The following HMBOX1 variants were observed in gnomAD, a reference collection of about 807,000 sequenced individuals.
The protein encoded by HMBOX1 is homeobox-containing protein 1.
HMBOX1 carries 14 observed loss-of-function variants against 54.5 expected under a neutral mutation model. That is an observed-to-expected ratio of 0.26 (90% confidence interval 0.17 to 0.40). The LOEUF is 0.40. Ranked by LOEUF, HMBOX1 falls within the 10% of genes least tolerant of loss-of-function variation. The pLI, the probability that HMBOX1 is intolerant of heterozygous loss-of-function variation, is 1.00. For synonymous variants in HMBOX1, 160 were observed against 181.0 expected, an observed-to-expected ratio of 0.88 and a Z score of 0.93; for missense variants, 332 against 514.4, an observed-to-expected ratio of 0.65 and a Z score of 3.43.
At chr8:29,007,976 C>T (rs1158860226) in intron 4 of HMBOX1, among the ~76,000 whole-genome samples, 2 of 152,126 alleles carry the variant, frequency 1.3e-5, no homozygotes, top group Admixed American at 6.5e-5. Flanking sequence ...CCAGGACCTC[C>T]TGCTTTTTCT....
Position 29,052,620 on chromosome 8 carries a change from C to T in HMBOX1, c.*1465C>T, listed in dbSNP as rs1038737736. ...CTGTGATCACCTTGTCATCTAGTAG[C>T]AAAATGATGAACTATTCATGCATCA... On this transcript the variant is annotated 3_prime_UTR_variant, in exon 10 of 10. Coordinates refer to ENST00000287701, the MANE Select transcript of HMBOX1 (RefSeq NM_001135726.3). 1.3e-5 allele frequency: 2 copies of T among 151,982 alleles called. No individual in the cohort carries two copies. The highest frequency in any genetic ancestry group is 4.8e-5 in the African/African-American group (2 of 41,342). 9.4% of individuals were successfully genotyped at this position (151,982 alleles called of 1,614,324 possible). A position where few individuals can be genotyped will look rare whatever the true frequency, so the allele number is the denominator to read the frequency against.
intron 1 of HMBOX1, among the ~76,000 whole-genome samples, chr8:28,951,842 G>T (rs1014689856): frequency 1.3e-5 from 2 of 152,186 alleles, no homozygotes; most frequent in Non-Finnish European, 2.9e-5. Context: ...GAGAAACTCT[G>T]ACATGCACAT....
At position 28,923,861 on chromosome 8, in the gene HMBOX1, T is replaced by C. The variant is rs148842467; in HGVS notation, c.-58+33183T>C. On this transcript the variant is annotated intron_variant, in intron 1 of 9. Coordinates refer to ENST00000287701, the MANE Select transcript of HMBOX1 (RefSeq NM_001135726.3). Reference sequence around the variant, plus strand: ...TTTTGATTTGTATTTCTCTAATGACTAATGTCCTTGGGTATCTTTTCATGT... The same window carrying C: ...TTTTGATTTGTATTTCTCTAATGACCAATGTCCTTGGGTATCTTTTCATGT... Among the ~76,000 whole-genome samples, 603 of 152,310 alleles carry C rather than the reference T, an allele frequency of 4.0e-3. 3 individuals carry two copies. Among genetic ancestry groups the C allele is most frequent in the African/African-American group, 0.013 (552 of 41,570 alleles).
chr8:29,012,609 A>G (rs568627915), intron 5 of HMBOX1, among the ~76,000 whole-genome samples: 1 of 152,334 alleles, frequency 6.6e-6, no homozygotes, highest in African/African-American at 2.4e-5. Context: ...AGGAACTGGG[A>G]AGAATAGCTC....
At chr8:28,955,842 A>G (rs1391544338) in intron 1 of HMBOX1, 1 of 151,910 alleles carries the variant, frequency 6.6e-6, no homozygotes, top group Non-Finnish European at 1.5e-5. Flanking sequence ...AGTTCCAGCT[A>G]CTAGGGAGGC....
Position 28,935,206 on chromosome 8 carries a change from T to G in HMBOX1, c.-57-28605T>G, listed in dbSNP as rs536557887. Reference sequence around the variant, plus strand: ...TAATTTTCAGTTCTTTCCAAATTGTTGATAGGTTGAACCCGATCTCAATCA... The same window carrying G: ...TAATTTTCAGTTCTTTCCAAATTGTGGATAGGTTGAACCCGATCTCAATCA... On this transcript the variant is annotated intron_variant, in intron 1 of 9. Transcript: ENST00000287701. Among the ~76,000 whole-genome samples the G allele has an allele frequency of 1.4e-4, 22 of 152,346 alleles. 1 individual carries two copies. The South Asian group carries it at 4.6e-3, about 32-fold the overall frequency.
intron 1 of HMBOX1, among the ~76,000 whole-genome samples, chr8:28,904,474 G>A (rs1179764537): frequency 2.0e-5 from 3 of 151,960 alleles, no homozygotes; most frequent in Non-Finnish European, 4.4e-5. Flanking sequence ...CTTGTGATCC[G>A]CCCGCCTAGG....
intron 3 of HMBOX1, among the ~76,000 whole-genome samples, chr8:28,971,029 CATT>C (rs1040782387): frequency 2.2e-5 from 3 of 134,670 alleles, no homozygotes; most frequent in African/African-American, 8.3e-5. Flanking sequence ...CACACACACA[CATT>C]GTCTTTTATA....
intron 1 of HMBOX1, among the ~76,000 whole-genome samples, chr8:28,940,436 A>T (rs1415314741): frequency 1.3e-5 from 2 of 152,204 alleles, no homozygotes; most frequent in Admixed American, 6.5e-5. Context: ...TCAATACCCC[A>T]TTAGAATGTT....
chr8:28,974,246 C>T (rs1396704535), intron 3 of HMBOX1, among the ~76,000 whole-genome samples: 2 of 151,872 alleles, frequency 1.3e-5, no homozygotes, highest in African/African-American at 4.8e-5. Context: ...AGGTAAATTA[C>T]GATATGAATT....
At chr8:29,027,303 A>G (rs1246713241) in intron 6 of HMBOX1, among the ~76,000 whole-genome samples, 1 of 152,176 alleles carries the variant, frequency 6.6e-6, no homozygotes, top group Non-Finnish European at 1.5e-5. Context: ...CTGTGAGGCA[A>G]AGTGCTAGGG....
At chr8:28,942,225 T>A (rs1363357995) in intron 1 of HMBOX1, among the ~76,000 whole-genome samples, 1 of 152,198 alleles carries the variant, frequency 6.6e-6, no homozygotes, top group African/African-American at 2.4e-5. Context: ...CAGCGCAGTC[T>A]CCTTCTGCTC....
chr8:28,964,822 T>G (rs1436186379), intron 2 of HMBOX1, among the ~76,000 whole-genome samples: 1 of 148,830 alleles, frequency 6.7e-6, no homozygotes, highest in Non-Finnish European at 1.5e-5. Context: ...AGTAGCTATA[T>G]CCTTGGGAAG....
intron 1 of HMBOX1, among the ~76,000 whole-genome samples, chr8:28,933,933 T>C (rs1819938338): frequency 6.6e-6 from 1 of 152,130 alleles, no homozygotes; most frequent in African/African-American, 2.4e-5. Flanking sequence ...ATAAACTCTT[T>C]CAGAAAACAG....
In HMBOX1 at chr8:28,910,347, G is replaced by A. The variant is rs77833098; in HGVS notation, c.-58+19669G>A. Among the ~76,000 whole-genome samples the A allele has an allele frequency of 5.7e-3, 870 of 152,252 alleles. 4 individuals are homozygous for A. Among genetic ancestry groups the A allele is most frequent in the African/African-American group, 0.02 (845 of 41,520 alleles). ...TTGTTTGGGATGTTTCCAGATTGGA[G>A]GATATTTTTAAAAATGCTTTTATGA... is the stretch of plus-strand genomic sequence containing the variant. On this transcript the variant is annotated intron_variant, in intron 1 of 9. Coordinates refer to ENST00000287701, the MANE Select transcript of HMBOX1 (RefSeq NM_001135726.3).
rs938060933 is a variant in HMBOX1 at position 28,970,077 on chromosome 8, C to A, written c.58C>A (p.Pro20Thr). 1 of 1,613,106 alleles carries A rather than the reference C, an allele frequency of 6.2e-7. No homozygotes were observed. ...AACCATGTCTCATTATACAGATGAA[C>A]CCAGATTTACCATAGAGCAGATAGA... is the stretch of plus-strand genomic sequence containing the variant. ...LETMSHYTDEPRFTIEQIDLL... is the reference protein window; with the variant it reads ...LETMSHYTDETRFTIEQIDLL... Residue 20 changes from proline (P) to threonine (T), a missense_variant, in exon 3 of 10, where the codon CCC (proline) becomes ACC (threonine). Around this residue, in one of 4 missense-constraint regions of HMBOX1, gnomAD observed 146 missense variants for 173.3 expected, o/e 0.84. Coordinates refer to ENST00000287701, the MANE Select transcript of HMBOX1 (RefSeq NM_001135726.3). This position sits in a 1 kb window ranked among gnomAD's most constrained non-coding sequence, Gnocchi z 4.3.
At chr8:28,996,880 C>T (rs979037728) in intron 4 of HMBOX1, among the ~76,000 whole-genome samples, 8 of 151,950 alleles carry the variant, frequency 5.3e-5, no homozygotes, top group Non-Finnish European at 8.8e-5. Flanking sequence ...GAATTGTTTT[C>T]TGAATTTTAT....
rs140227199 is a variant in HMBOX1 at position 28,946,592 on chromosome 8, T to C, written c.-57-17219T>C. On this transcript the variant is annotated intron_variant, in intron 1 of 9. Coordinates refer to ENST00000287701, the MANE Select transcript of HMBOX1 (RefSeq NM_001135726.3). Reference sequence around the variant, plus strand: ...CTCAAAAAAAAAAAAATATATACAATTGTGTTTGATATGTATTTTCAAATC... The same window carrying C: ...CTCAAAAAAAAAAAAATATATACAACTGTGTTTGATATGTATTTTCAAATC... 5.2e-4 allele frequency among the ~76,000 whole-genome samples: 79 copies of C among 152,112 alleles called. 1 individual carries two copies. In the East Asian group the frequency reaches 0.012, roughly 23 times the overall value.
At chr8:28,903,854 G>A (rs1191099087) in intron 1 of HMBOX1, among the ~76,000 whole-genome samples, 3 of 151,832 alleles carry the variant, frequency 2.0e-5, no homozygotes, top group Non-Finnish European at 4.4e-5. Context: ...TTTTCAACTG[G>A]TGATTTTACC....
Sources: allele counts gnomAD v4.1 joint callset (sites outside exome capture counted in the v4.1 genomes callset), GRCh38; gene constraint gnomAD v4.1.1; regional missense constraint gnomAD v4.1.1; non-coding constraint Gnocchi (gnomAD v3.1); transcripts MANE v1.5; gene names NCBI Gene and HGNC (gene_info 2026-07-23, HGNC 2026-07-21).